Variants in SYT1 observed in about 807,000 individuals in gnomAD.
SYT1 encodes the protein synaptotagmin-1.
A neutral mutation model predicts 44.8 loss-of-function variants in SYT1; 8 were observed. The observed-to-expected ratio is 0.18, with a 90% confidence interval of 0.10 to 0.32. SYT1 has a LOEUF of 0.32. Among genes scored for constraint, SYT1 ranks in the 10% least tolerant of loss-of-function variants. The pLI is 1.00. For missense variants in SYT1, 286 were observed against 509.3 expected (o/e 0.56, Z 4.22); for synonymous variants, 154 against 188.8 (o/e 0.82, Z 1.51).
At chr12:79,334,722 T>G (rs1006929305) in intron 8 of SYT1, among the ~76,000 whole-genome samples, 1 of 152,196 alleles carries the variant, frequency 6.6e-6, no homozygotes, top group Middle Eastern at 3.2e-3. Context: ...TGATAATACT[T>G]TCATCATTTT....
At chr12:78,916,256 T>C (rs904681636) in intron 1 of SYT1, among the ~76,000 whole-genome samples, 3 of 152,084 alleles carry the variant, frequency 2.0e-5, no homozygotes, top group African/African-American at 7.2e-5. Context: ...TATTGAAATG[T>C]CTGAATAAAT....
At chr12:79,147,117 G>A (rs1308779174) in intron 3 of SYT1, among the ~76,000 whole-genome samples, 1 of 152,134 alleles carries the variant, frequency 6.6e-6, no homozygotes, top group Non-Finnish European at 1.5e-5. Context: ...GGGATTACAG[G>A]TGTGAGCCAC....
intron 1 of SYT1, among the ~76,000 whole-genome samples, chr12:78,904,087 G>A (rs984332536): frequency 1.3e-5 from 2 of 151,838 alleles, no homozygotes; most frequent in African/African-American, 2.4e-5. Flanking sequence ...AGAATCCCCG[G>A]TAACCAAAAT....
At chr12:78,929,250 A>G (rs1877480418) in intron 1 of SYT1, among the ~76,000 whole-genome samples, 1 of 151,342 alleles carries the variant, frequency 6.6e-6, no homozygotes, top group African/African-American at 2.4e-5. Context: ...AGAAATACAA[A>G]AATTAGCTGG....
intron 9 of SYT1, among the ~76,000 whole-genome samples, chr12:79,417,417 C>T (rs958230036): frequency 6.6e-6 from 1 of 152,098 alleles, no homozygotes; most frequent in African/African-American, 2.4e-5. Context: ...TTTCCCGCAA[C>T]CTGCCTTGGT....
intron 3 of SYT1, among the ~76,000 whole-genome samples, chr12:79,122,598 G>A (rs1353846534): frequency 6.7e-6 from 1 of 149,304 alleles, no homozygotes; most frequent in Admixed American, 6.6e-5. Context: ...AATAAATTGA[G>A]CTATTACTAA....
intron 9 of SYT1, among the ~76,000 whole-genome samples, chr12:79,390,160 C>T (rs1375068469): frequency 1.3e-5 from 2 of 152,022 alleles, no homozygotes; most frequent in African/African-American, 4.8e-5. Context: ...GTCTCGATCT[C>T]CTGACCTTGT....
chr12:79,242,452 A>C (rs1876571392), intron 4 of SYT1, among the ~76,000 whole-genome samples: 1 of 152,168 alleles, frequency 6.6e-6, no homozygotes, highest in Non-Finnish European at 1.5e-5. Context: ...GTGGGCTTGA[A>C]ATGCTGATTT....
intron 4 of SYT1, among the ~76,000 whole-genome samples, chr12:79,233,581 C>T (rs1462838437): frequency 6.6e-6 from 1 of 152,242 alleles, no homozygotes; most frequent in Non-Finnish European, 1.5e-5. Context: ...GGACAGCCAT[C>T]TTCTGCCCAC....
chr12:79,253,023 GCT>G (rs1877307668), intron 4 of SYT1, among the ~76,000 whole-genome samples: 1 of 152,066 alleles, frequency 6.6e-6, no homozygotes, highest in Non-Finnish European at 1.5e-5. Flanking sequence ...TTCCCCTAGT[GCT>G]CTCTCTTTTA....
intron 5 of SYT1, among the ~76,000 whole-genome samples, chr12:79,289,313 A>G (rs1466771734): frequency 6.6e-6 from 1 of 152,146 alleles, no homozygotes; most frequent in African/African-American, 2.4e-5. Context: ...TTTCTTCCGA[A>G]TTTTGTTCTA....
At chr12:79,379,445 C>T (rs182257869) in intron 9 of SYT1, among the ~76,000 whole-genome samples, 31 of 152,202 alleles carry the variant, frequency 2.0e-4, no homozygotes, top group Middle Eastern at 3.4e-3. Flanking sequence ...AAAATACATA[C>T]GGGTTTTTGT....
intron 3 of SYT1, among the ~76,000 whole-genome samples, chr12:79,216,225 C>T (rs1565859568): frequency 6.6e-6 from 1 of 152,014 alleles, no homozygotes; most frequent in Admixed American, 6.5e-5. Flanking sequence ...GCCACCACGC[C>T]CAGACTAAAT....
At chr12:79,445,738 A>T (rs1459109823) in intron 10 of SYT1, among the ~76,000 whole-genome samples, 1 of 150,440 alleles carries the variant, frequency 6.6e-6, no homozygotes, top group Non-Finnish European at 1.5e-5. Context: ...GGCTGTTGTG[A>T]ATAGTGCCAT....
intron 4 of SYT1, among the ~76,000 whole-genome samples, chr12:79,218,704 TC>T (rs1471218600): frequency 6.6e-6 from 1 of 152,186 alleles, no homozygotes; most frequent in Non-Finnish European, 1.5e-5. Context: ...TACCACGATT[TC>T]ATTTTTTTAT....
rs181465175 is a variant in SYT1, at chr12:78,919,020, T to A, written c.-217+53911T>A. On this transcript the variant is annotated intron_variant, in intron 1 of 10. Transcript: ENST00000261205. ...GACAAATGAAAGATTATAACGAAAA[T>A]TTTAAAAGAGGCCAGGAAAGCATTG... 4.5e-3 allele frequency among the ~76,000 whole-genome samples: 687 copies of A among 151,958 alleles called. 2 individuals carry two copies. Among genetic ancestry groups the A allele is most frequent in the Admixed American group, 0.012 (188 of 15,222 alleles).
At position 79,179,217 on chromosome 12, in the gene SYT1, T is replaced by TATAG. The variant is rs1555204785; in HGVS notation, c.-17-38283_-17-38282insGATA. Among the ~76,000 whole-genome samples the TATAG allele has an allele frequency of 2.8e-4, 9 of 32,384 alleles. 1 individual carries two copies. Among genetic ancestry groups the TATAG allele is most frequent in the Non-Finnish European group, 4.9e-4 (9 of 18,214 alleles). The allele number at this position is 32,384 out of a possible 152,430, so 21.2% of individuals were successfully genotyped here. On this transcript the variant is annotated intron_variant, in intron 3 of 10. Coordinates refer to ENST00000261205, the MANE Select transcript of SYT1 (RefSeq NM_005639.3). ...ATAGATATATAGATATAGATATAGATATATAGATATAGATATAGATATATA... is the reference window on the plus strand; with the variant it reads ...ATAGATATATAGATATAGATATAGATATAGATATAGATATAGATATAGATATATA...
At chr12:79,389,793 C>T (rs1884578957) in intron 9 of SYT1, among the ~76,000 whole-genome samples, 1 of 152,098 alleles carries the variant, frequency 6.6e-6, no homozygotes. Context: ...CTAGAAGTAT[C>T]CAAGATTATT....
chr12:79,083,981 C>G (rs1276593200), intron 3 of SYT1, among the ~76,000 whole-genome samples: 5 of 152,020 alleles, frequency 3.3e-5, no homozygotes, highest in Admixed American at 3.3e-4. Flanking sequence ...ACTAAAACAG[C>G]AGTTTGTCAA....
Sources: allele counts gnomAD v4.1 joint callset (sites outside exome capture counted in the v4.1 genomes callset), GRCh38; gene constraint gnomAD v4.1.1; transcripts MANE v1.5; gene names NCBI Gene and HGNC (gene_info 2026-07-23, HGNC 2026-07-21).